ZMIZ1: variants seen among roughly 807,000 people sequenced by gnomAD.
ZMIZ1 encodes zinc finger MIZ domain-containing protein 1.
A neutral mutation model predicts 113.9 loss-of-function variants in ZMIZ1; 17 were observed. That is an observed-to-expected ratio of 0.15 (90% CI 0.10 to 0.22). The LOEUF (loss-of-function observed/expected upper bound fraction) is 0.22, where lower values mean the gene tolerates loss of function less well. Among genes scored for constraint, ZMIZ1 ranks in the 10% least tolerant of loss-of-function variants. The pLI, the probability that ZMIZ1 is intolerant of heterozygous loss-of-function variation, is 1.00. For synonymous variants in ZMIZ1, 607 were observed against 603.1 expected, an observed-to-expected ratio of 1.01 and a Z score of -0.09; for missense variants, 1,059 against 1,477.8, an observed-to-expected ratio of 0.72 and a Z score of 4.65.
intron 7 of ZMIZ1, among the ~76,000 whole-genome samples, chr10:79,253,138 G>A (rs906827282): frequency 1.3e-5 from 2 of 152,194 alleles, no homozygotes; most frequent in Non-Finnish European, 2.9e-5. Context: ...GTAGGGCTGA[G>A]CCTGTTGCAG....
intron 14 of ZMIZ1, among the ~76,000 whole-genome samples, chr10:79,298,047 G>T (rs929501486): frequency 1.3e-5 from 2 of 152,178 alleles, no homozygotes; most frequent in African/African-American, 4.8e-5. Flanking sequence ...CCACCTGCTC[G>T]GGTGACAGGA....
At chr10:79,082,434 A>G (rs1327603768) in intron 1 of ZMIZ1, among the ~76,000 whole-genome samples, 1 of 152,154 alleles carries the variant, frequency 6.6e-6, no homozygotes, top group African/African-American at 2.4e-5. Flanking sequence ...GCTTGAATTT[A>G]TGGTCTGAGA....
At chr10:79,312,535 C>T in intron 24 of ZMIZ1, 107 bp from the exon 25 acceptor site, 2 of 1,228,234 alleles carry the variant, frequency 1.6e-6, no homozygotes, top group Non-Finnish European at 2.4e-6. Context: ...GGCTAGGGTC[C>T]TGAGAGGCAG....
chr10:79,281,821 GC>G (rs1467572131), intron 8 of ZMIZ1, among the ~76,000 whole-genome samples: 5 of 152,202 alleles, frequency 3.3e-5, no homozygotes, highest in African/African-American at 1.2e-4. Flanking sequence ...AAAGTGAATT[GC>G]CCCAGAACAC....
chr10:79,186,620 T>C (rs1469759148), intron 4 of ZMIZ1, among the ~76,000 whole-genome samples: 1 of 152,246 alleles, frequency 6.6e-6, no homozygotes, highest in Non-Finnish European at 1.5e-5. Flanking sequence ...CAACTGCCAC[T>C]TAAGCTAAAA....
At chr10:79,108,510 G>A (rs1238164427) in intron 1 of ZMIZ1, among the ~76,000 whole-genome samples, 1 of 152,170 alleles carries the variant, frequency 6.6e-6, no homozygotes, top group Non-Finnish European at 1.5e-5. Flanking sequence ...GAGATCTCAG[G>A]CTGAGAGTGA....
chr10:79,131,408 C>T (rs964991954), intron 2 of ZMIZ1, among the ~76,000 whole-genome samples: 2 of 152,196 alleles, frequency 1.3e-5, no homozygotes, highest in African/African-American at 4.8e-5. Flanking sequence ...GTTTATCTCC[C>T]TCTTCTCTGA....
At chr10:79,099,004 A>G (rs1843264073) in intron 1 of ZMIZ1, among the ~76,000 whole-genome samples, 1 of 152,150 alleles carries the variant, frequency 6.6e-6, no homozygotes, top group Admixed American at 6.5e-5. Context: ...CCAAATGGGA[A>G]CCATGTTGGC....
At chr10:79,272,186 T>C (rs1414660542) in intron 7 of ZMIZ1, among the ~76,000 whole-genome samples, 4 of 151,928 alleles carry the variant, frequency 2.6e-5, no homozygotes, top group Admixed American at 2.6e-4. Context: ...CTCGGGATGC[T>C]GAGGCACAAG....
chr10:79,150,198 C>T (rs911897336), intron 3 of ZMIZ1, among the ~76,000 whole-genome samples: 1 of 152,212 alleles, frequency 6.6e-6, no homozygotes, highest in Non-Finnish European at 1.5e-5. Context: ...CACTAGGCCT[C>T]GGCGAGTGGC....
chr10:79,243,457 A>ACGGCGG (rs1487874503), intron 7 of ZMIZ1, among the ~76,000 whole-genome samples: 1 of 148,268 alleles, frequency 6.7e-6, no homozygotes, highest in Non-Finnish European at 1.5e-5. Context: ...CGGTAGCCGG[A>ACGGCGG]CGGCGGCGGC....
intron 7 of ZMIZ1, among the ~76,000 whole-genome samples, chr10:79,229,661 T>G (rs1849319372): frequency 6.6e-6 from 1 of 152,148 alleles, no homozygotes; most frequent in Non-Finnish European, 1.5e-5. Flanking sequence ...CGTAAGCTCA[T>G]GGGTAGCTAT....
intron 6 of ZMIZ1, among the ~76,000 whole-genome samples, chr10:79,209,766 C>T (rs958635121): frequency 1.3e-5 from 2 of 152,260 alleles, no homozygotes; most frequent in African/African-American, 4.8e-5. Context: ...CTGCAACCCT[C>T]CCCCACATTT....
chr10:79,144,995 A>C (rs1160689140), intron 3 of ZMIZ1, among the ~76,000 whole-genome samples: 1 of 146,448 alleles, frequency 6.8e-6, no homozygotes, highest in Non-Finnish European at 1.5e-5. Context: ...CCCTCCATCT[A>C]TCTCCTGCCC....
In ZMIZ1 at chr10:79,230,005, A is replaced by G. The variant is rs1359986497; in HGVS notation, c.280+13731A>G. On this transcript the variant is annotated intron_variant, in intron 7 of 24. Transcript: ENST00000334512. ...CTCAGAGAGGTTAAGTCCCTTGCCC[A>G]GGGTCACACAGCTAGGGAGGGACTG... is the stretch of plus-strand genomic sequence containing the variant. 3.9e-5 allele frequency among the ~76,000 whole-genome samples: 6 copies of G among 152,308 alleles called. No individual in the cohort carries two copies. In the East Asian group the frequency reaches 9.6e-4, roughly 24 times the overall value.
intron 6 of ZMIZ1, among the ~76,000 whole-genome samples, chr10:79,211,868 G>A (rs1848540414): frequency 6.6e-6 from 1 of 152,236 alleles, no homozygotes; most frequent in South Asian, 2.1e-4. Context: ...AGGAGACAGT[G>A]GGAGAGCAGG....
chr10:79,251,737 G>C (rs1269946254), intron 7 of ZMIZ1, among the ~76,000 whole-genome samples: 1 of 152,224 alleles, frequency 6.6e-6, no homozygotes, highest in Non-Finnish European at 1.5e-5. Context: ...TGCAGGGAGT[G>C]GGGACAGCTT....
At chr10:79,127,831 T>C (rs1844583486) in intron 2 of ZMIZ1, among the ~76,000 whole-genome samples, 1 of 152,144 alleles carries the variant, frequency 6.6e-6, no homozygotes, top group Non-Finnish European at 1.5e-5. Context: ...TTTAATTGGC[T>C]GGGGCTGCCA....
chr10:79,296,621 C>G lies in ZMIZ1; in HGVS notation c.1381C>G (p.Pro461Ala). ...PSQPSSGQYP[P>A]PTVNMGQYYK... is the part of the protein sequence containing the mutation. ...CCAGCCGAGCTCCGGGCAGTACCCG[C>G]CCCCCACGGTCAACATGGGGCAGTA... The change falls in exon 13 of 25, where the codon CCC (proline) becomes GCC (alanine). Residue 461 changes from proline to alanine, a missense_variant. Pro to Ala is a conservative substitution (Grantham distance 27, BLOSUM62 -1). This residue lies in a region of ZMIZ1 where 239 missense variants were observed against 247.5 expected (regional missense o/e 0.97). Transcript: ENST00000334512. This position sits in a 1 kb window ranked among gnomAD's most constrained non-coding sequence, Gnocchi z 4.1. 6.3e-7 allele frequency: 1 copy of G among 1,591,924 alleles called. No homozygotes were observed. The highest frequency in any genetic ancestry group is 8.6e-7 in the Non-Finnish European group (1 of 1,168,166).
Sources: allele counts gnomAD v4.1 joint callset (sites outside exome capture counted in the v4.1 genomes callset), GRCh38; gene constraint gnomAD v4.1.1; regional missense constraint gnomAD v4.1.1; non-coding constraint Gnocchi (gnomAD v3.1); transcripts MANE v1.5; gene names NCBI Gene and HGNC (gene_info 2026-07-23, HGNC 2026-07-21).